The following SEC16B variants were observed in gnomAD, a reference collection of about 807,000 sequenced individuals.
The protein encoded by SEC16B is protein transport protein Sec16B.
SEC16B carries 115 observed loss-of-function variants against 141.8 expected under a neutral mutation model. The ratio of observed to expected loss-of-function variants is 0.81; its 90% confidence interval spans 0.70 to 0.95. SEC16B has a LOEUF of 0.95. SEC16B is among the 40% of genes least tolerant of loss of function. SEC16B has a pLI of 0.00. For missense variants in SEC16B, 1,291 were observed against 1,312.3 expected, an observed-to-expected ratio of 0.98 and a Z score of 0.25; for synonymous variants, 493 against 492.5, an observed-to-expected ratio of 1.00 and a Z score of -0.01.
intron 4 of SEC16B, 96 bp from the exon 5 acceptor site, chr1:177,964,375 G>A: frequency 2.7e-6 from 2 of 749,542 alleles, no homozygotes; most frequent in Non-Finnish European, 4.3e-6. Flanking sequence ...CAAAGCGTGG[G>A]CAGGTACCAT....
intron 1 of SEC16B, among the ~76,000 whole-genome samples, chr1:177,968,987 C>T (rs1014490961): frequency 1.3e-5 from 2 of 152,178 alleles, no homozygotes; most frequent in African/African-American, 2.4e-5. Flanking sequence ...GCCCATTGCA[C>T]GGGGTAGCGG....
At position 177,954,363 on chromosome 1, in the gene SEC16B, C is replaced by T. The variant is rs776503193; in HGVS notation, c.1379G>A (p.Trp460Ter). 8 of 1,572,712 alleles carry T rather than the reference C, an allele frequency of 5.1e-6. No individual in the cohort carries two copies. In the South Asian group the frequency reaches 9.4e-5, roughly 18 times the overall value. ...GCCCCACAAGTGGTTCTTCATGGCC[C>T]ACTCCAAGGCTTCCTGAAAACCAAA... is the stretch of plus-strand genomic sequence containing the variant. ...YYGRKKEALEWAMKNHLWGHA... is the reference protein window; with the variant it reads ...YYGRKKEALE The change falls in exon 11 of 26, where the codon TGG (tryptophan) becomes TAG (stop). Residue 460 changes from tryptophan (W) to a stop codon, truncating the protein, a stop_gained. Transcript: ENST00000308284. LOFTEE classifies it high-confidence loss of function.
At chr1:177,948,384 T>C in intron 12 of SEC16B, 1 of 1,304,878 alleles carries the variant, frequency 7.7e-7, no homozygotes. Flanking sequence ...CTGCTTAATG[T>C]CTTACCAAAT....
At chr1:177,949,544 G>A (rs1571326238) in intron 12 of SEC16B, among the ~76,000 whole-genome samples, 1 of 151,944 alleles carries the variant, frequency 6.6e-6, no homozygotes, top group South Asian at 2.1e-4. Context: ...GAGAGAGAGA[G>A]AAAGCACCAA....
intron 6 of SEC16B, 189 bp downstream of exon 6, chr1:177,961,401 C>G (rs373740273): frequency 1.0e-5 from 6 of 585,988 alleles, no homozygotes; most frequent in Middle Eastern, 4.6e-4. Context: ...CAGGAATCAG[C>G]TATGATGCAA....
chr1:177,984,153 T>C (rs2102037564), intron 1 of SEC16B: 1 of 152,358 alleles, frequency 6.6e-6, no homozygotes, highest in Middle Eastern at 3.4e-3. Flanking sequence ...TTAGCATTCT[T>C]CAATTTGCAT....
chr1:177,978,075 G>T lies in SEC16B; in HGVS notation c.-59+6131C>A, dbSNP rs1571363164. 3.9e-5 allele frequency among the ~76,000 whole-genome samples: 6 copies of T among 152,204 alleles called. No individual in the cohort carries two copies. In the South Asian group the frequency reaches 1.2e-3, roughly 31 times the overall value. On this transcript the variant is annotated intron_variant and NMD_transcript_variant, in intron 1 of 24. Coordinates refer to the SEC16B transcript ENST00000528461. ...AAGCTAAACTATATACAAAGCTCAT[G>T]ACTTTGGTACACTATGGGAATTGAG...
At chr1:177,945,388 C>T (rs1468542919) in intron 14 of SEC16B, 1 of 152,196 alleles carries the variant, frequency 6.6e-6, no homozygotes, top group African/African-American at 2.4e-5. Flanking sequence ...CATAAACCAA[C>T]GTAAACATAG....
At chr1:177,947,751 A>AGG in intron 13 of SEC16B, 74 bp downstream of exon 13, 2 of 609,882 alleles carry the variant, frequency 3.3e-6, no homozygotes, top group Non-Finnish European at 2.7e-6. Flanking sequence ...AGGGGAGGTG[A>AGG]GGAAAGGGAC....
At chr1:177,962,116 C>A (rs1345921236) in intron 5 of SEC16B, among the ~76,000 whole-genome samples, 2 of 152,080 alleles carry the variant, frequency 1.3e-5, no homozygotes. Context: ...ACTCTGTCAC[C>A]AGGCTGGAGT....
At chr1:177,979,800 G>T (rs1415747303) in intron 1 of SEC16B, among the ~76,000 whole-genome samples, 1 of 152,186 alleles carries the variant, frequency 6.6e-6, no homozygotes, top group Non-Finnish European at 1.5e-5. Flanking sequence ...GATGGCAGCA[G>T]GCAAAGAGAG....
chr1:177,958,749 T>C, intron 9 of SEC16B, 91 bp downstream of exon 9: 3 of 1,465,270 alleles, frequency 2.0e-6, no homozygotes, highest in Non-Finnish European at 2.7e-6. Context: ...TAATATTGCT[T>C]TTCATAATCA....
intron 1 of SEC16B, among the ~76,000 whole-genome samples, chr1:177,982,113 A>G (rs563673766): frequency 6.6e-6 from 1 of 152,322 alleles, no homozygotes; most frequent in South Asian, 2.1e-4. Flanking sequence ...TAAAGACAAC[A>G]AACACAGTAA....
Position 177,932,483 on chromosome 1 carries a change from C to A in SEC16B, c.3012+7G>T. The A allele has an allele frequency of 6.5e-7, 1 of 1,528,962 alleles. No individual in the cohort carries two copies. The allele number at this position is 1,528,962 out of a possible 1,614,324, so 94.7% of individuals were successfully genotyped here. A position where few individuals can be genotyped will look rare whatever the true frequency, so the allele number is the denominator to read the frequency against. Reference sequence around the variant, plus strand: ...GTCCGAGGCTCCAGCCCAGGGGGGCCGCTTACCTCTGGTCCAGACAAGCCT... The same window carrying A: ...GTCCGAGGCTCCAGCCCAGGGGGGCAGCTTACCTCTGGTCCAGACAAGCCT... On this transcript the variant is annotated splice_region_variant and intron_variant, in intron 24 of 25. Coordinates refer to ENST00000308284, the MANE Select transcript of SEC16B (RefSeq NM_033127.4).
chr1:177,942,769 G>A (rs550551693), intron 15 of SEC16B, among the ~76,000 whole-genome samples: 2 of 152,280 alleles, frequency 1.3e-5, no homozygotes, highest in African/African-American at 4.8e-5. Context: ...ATGAGTGGCA[G>A]GGCAGGATCA....
At chr1:177,969,219 G>T (rs1653785981) in intron 1 of SEC16B, among the ~76,000 whole-genome samples, 1 of 152,162 alleles carries the variant, frequency 6.6e-6, no homozygotes, top group African/African-American at 2.4e-5. Flanking sequence ...AAGGTCAAAA[G>T]AGTGGGTGTT....
chr1:177,953,064 G>A (rs569325288), intron 11 of SEC16B, among the ~76,000 whole-genome samples: 1 of 144,678 alleles, frequency 6.9e-6, no homozygotes, highest in South Asian at 2.3e-4. Context: ...GGAGTGCAAC[G>A]ATGTGATCTC....
chr1:177,964,338 C>A, intron 4 of SEC16B, 59 bp from the exon 5 acceptor site: 1 of 1,264,696 alleles, frequency 7.9e-7, no homozygotes. Context: ...AAGGCTGAGG[C>A]ACTCTCCGCC....
chr1:177,939,601 C>G lies in SEC16B; in HGVS notation c.2203+101G>C, dbSNP rs569212889. The G allele has an allele frequency of 1.1e-5, 11 of 1,029,568 alleles. 1 individual carries two copies. The highest frequency in any genetic ancestry group is 6.5e-5 in the Admixed American group (3 of 45,862). 63.8% of individuals were successfully genotyped at this position (1,029,568 alleles called of 1,614,324 possible). A position where few individuals can be genotyped will look rare whatever the true frequency, so the allele number is the denominator to read the frequency against. Reference sequence around the variant, plus strand: ...GGACTTACACAGGCAAGGCAGGCACCCTGGGAAGCAAAGGGCGAGTGCTTT... The same window carrying G: ...GGACTTACACAGGCAAGGCAGGCACGCTGGGAAGCAAAGGGCGAGTGCTTT... On this transcript the variant is annotated intron_variant, in intron 18 of 25. Coordinates refer to ENST00000308284, the MANE Select transcript of SEC16B (RefSeq NM_033127.4).
Sources: gnomAD v4.1 joint callset for allele counts (sites outside exome capture counted in the v4.1 genomes callset) on GRCh38, gnomAD v4.1.1 for gene constraint, MANE v1.5 for transcripts, NCBI Gene and HGNC (gene_info 2026-07-23, HGNC 2026-07-21) for gene names.